The following TAF1A variants were observed in gnomAD, a reference collection of about 807,000 sequenced individuals.
The protein encoded by TAF1A is TATA box-binding protein-associated factor RNA polymerase I subunit A.
Under a neutral mutation model 61.6 loss-of-function variants are expected in TAF1A, and 42 were observed. The ratio of observed to expected loss-of-function variants is 0.68; its 90% CI spans 0.53 to 0.88. The LOEUF (loss-of-function observed/expected upper bound fraction) is 0.88, where lower values mean the gene tolerates loss of function less well. Ranked by LOEUF, TAF1A falls within the 40% of genes least tolerant of loss-of-function variation. TAF1A has a pLI of 0.00. For synonymous variants in TAF1A, 179 were observed against 177.7 expected, an observed-to-expected ratio of 1.01 and a Z score of -0.06; for missense variants, 424 against 518.7, an observed-to-expected ratio of 0.82 and a Z score of 1.77.
chr1:222,563,222 TA>T lies in TAF1A; in HGVS notation c.1035del (p.Asn345LysfsTer2). The T allele has an allele frequency of 6.2e-7, 1 of 1,613,070 alleles. No individual in the cohort carries two copies. The highest frequency in any genetic ancestry group is 8.5e-7 in the Non-Finnish European group (1 of 1,179,322). The stretch of plus-strand genomic sequence containing the variant: ...TTTGCCAAGTATTTCCAAGCAGTTA[TA>T]TTCTTAGTGCATCCGGCAAAATCTA... ...GVLDFAGCTK[N>X]ITAWKYLAKY... On this transcript the variant is annotated frameshift_variant, in exon 9 of 11. Transcript: ENST00000352967. LOFTEE classifies it high-confidence loss of function.
intron 7 of TAF1A, among the ~76,000 whole-genome samples, chr1:222,567,185 T>C (rs1255718349): frequency 6.6e-6 from 1 of 152,138 alleles, no homozygotes; most frequent in Non-Finnish European, 1.5e-5. Flanking sequence ...CTAAGTGAAA[T>C]TAGCAAGACA....
chr1:222,577,116 G>A (rs1660602880), intron 5 of TAF1A, among the ~76,000 whole-genome samples: 2 of 150,358 alleles, frequency 1.3e-5, no homozygotes, highest in Admixed American at 6.6e-5. Context: ...ATAGAAATTG[G>A]AATGGAGTTT....
chr1:222,558,958 C>G (rs1659807377), intron 10 of TAF1A, among the ~76,000 whole-genome samples, 186 bp from the exon 11 acceptor site: 1 of 152,076 alleles, frequency 6.6e-6, no homozygotes, highest in Non-Finnish European at 1.5e-5. Context: ...TTCCTATATA[C>G]AAAATTTATT....
In TAF1A at chr1:222,563,797, A is replaced by C. The variant is rs1386874403; in HGVS notation, c.961+262T>G. Among the ~76,000 whole-genome samples the C allele has an allele frequency of 1.3e-5, 2 of 152,238 alleles. 1 individual carries two copies. The highest frequency in any genetic ancestry group is 4.8e-5 in the African/African-American group (2 of 41,464). On this transcript the variant is annotated intron_variant, in intron 8 of 10. Coordinates refer to ENST00000352967, the MANE Select transcript of TAF1A (RefSeq NM_005681.4). ...AACTACTGCCTTCACATTGTGTAAC[A>C]GGAGTAGGCAAACTTTTTCTATAAA...
intron 2 of TAF1A, 102 bp from the exon 3 acceptor site, chr1:222,584,399 C>T: frequency 1.9e-6 from 2 of 1,077,698 alleles, no homozygotes. Flanking sequence ...AAACAGTAGG[C>T]ATTACTTGAC....
intron 7 of TAF1A, 27 bp from the exon 8 acceptor site, chr1:222,564,152 T>C (rs1660025464): frequency 2.2e-6 from 3 of 1,394,438 alleles, no homozygotes; most frequent in Non-Finnish European, 3.0e-6. Flanking sequence ...TCTTGTAATC[T>C]TTACATACTT....
At chr1:222,578,674 C>T (rs888088578) in intron 4 of TAF1A, among the ~76,000 whole-genome samples, 1 of 152,186 alleles carries the variant, frequency 6.6e-6, no homozygotes, top group Non-Finnish European at 1.5e-5. Flanking sequence ...TAAATCCCAA[C>T]CCTCTCTAGT....
intron 3 of TAF1A, among the ~76,000 whole-genome samples, chr1:222,583,426 G>GAA (rs71175170): frequency 4.6e-4 from 68 of 148,780 alleles, no homozygotes; most frequent in Non-Finnish European, 6.6e-4. Context: ...TTGATAAAAC[G>GAA]AAAAAAAAAA....
At chr1:222,588,712 A>G in intron 1 of TAF1A, 147 bp from the exon 2 acceptor site, 1 of 845,652 alleles carries the variant, frequency 1.2e-6, no homozygotes, top group Non-Finnish European at 1.7e-6. Flanking sequence ...TAAAGTAAAA[A>G]ATGAATTTAA....
At chr1:222,577,038 T>C (rs1660598299) in intron 5 of TAF1A, among the ~76,000 whole-genome samples, 1 of 152,194 alleles carries the variant, frequency 6.6e-6, no homozygotes. Flanking sequence ...CAGAAGAATT[T>C]ACTGGTGGTT....
intron 8 of TAF1A, 65 bp from the exon 9 acceptor site, chr1:222,563,361 T>A: frequency 6.6e-7 from 1 of 1,525,228 alleles, no homozygotes. Context: ...AAAATTTACA[T>A]GTATACATTT....
rs1204492987 is a variant in TAF1A, at chr1:222,587,950, G to A, written c.121+493C>T. On this transcript the variant is annotated intron_variant, in intron 2 of 10. Coordinates refer to ENST00000352967, the MANE Select transcript of TAF1A (RefSeq NM_005681.4). The stretch of plus-strand genomic sequence containing the variant: ...ACCTGTAATCTCAGTTACTCGGGAG[G>A]CTGAGTAGAATCACTTGAACCTGGG... Among the ~76,000 whole-genome samples, 3 of 151,862 alleles carry A rather than the reference G, an allele frequency of 2.0e-5. No individual in the cohort carries two copies. In the East Asian group the frequency reaches 5.8e-4, roughly 29 times the overall value.
At chr1:222,578,988 A>G (rs971897822) in intron 4 of TAF1A, among the ~76,000 whole-genome samples, 10 of 151,992 alleles carry the variant, frequency 6.6e-5, no homozygotes, top group Non-Finnish European at 1.5e-4. Flanking sequence ...TACTCTTCAC[A>G]CTCCCTCCCT....
At chr1:222,566,007 C>T (rs938804225) in intron 7 of TAF1A, among the ~76,000 whole-genome samples, 2 of 152,150 alleles carry the variant, frequency 1.3e-5, no homozygotes, top group African/African-American at 4.8e-5. Context: ...TAAAAGAAAA[C>T]AGAGATAAGA....
In TAF1A at chr1:222,588,369, A is replaced by G. The variant is rs994935896; in HGVS notation, c.121+74T>C. On this transcript the variant is annotated intron_variant, in intron 2 of 10. Coordinates refer to ENST00000352967, the MANE Select transcript of TAF1A (RefSeq NM_005681.4). The stretch of plus-strand genomic sequence containing the variant: ...TCTTGAAAATTAAACCAGTCTGGTT[A>G]TTCATTTTGTATCCCTATTGAATCT... 3.1e-5 allele frequency: 48 copies of G among 1,526,762 alleles called. No individual in the cohort carries two copies. In the African/African-American group the frequency reaches 6.2e-4, roughly 20 times the overall value. 94.6% of individuals were successfully genotyped at this position (1,526,762 alleles called of 1,614,324 possible). A position where few individuals can be genotyped will look rare whatever the true frequency, so the allele number is the denominator to read the frequency against.
intron 9 of TAF1A, 34 bp from the exon 10 acceptor site, chr1:222,561,552 T>C (rs778893774): frequency 6.4e-7 from 1 of 1,560,948 alleles, no homozygotes; most frequent in South Asian, 1.2e-5. Flanking sequence ...AGAGGGTCAA[T>C]GATGGAAACA....
chr1:222,575,829 C>T (rs3008643), intron 5 of TAF1A, among the ~76,000 whole-genome samples: 151,718 of 152,358 alleles, frequency 1, 75,542 homozygotes, highest in Middle Eastern at 1. Flanking sequence ...AGGTACTGAA[C>T]CATCTATCCA....
intron 5 of TAF1A, among the ~76,000 whole-genome samples, chr1:222,572,142 C>G (rs1310088594): frequency 2.0e-5 from 3 of 151,188 alleles, no homozygotes; most frequent in Non-Finnish European, 4.4e-5. Context: ...TCGCTTGAAC[C>G]TGGAAGACAC....
At chr1:222,565,244 G>A (rs1269018952) in intron 7 of TAF1A, among the ~76,000 whole-genome samples, 1 of 152,210 alleles carries the variant, frequency 6.6e-6, no homozygotes, top group Non-Finnish European at 1.5e-5. Flanking sequence ...TGACAGGTAT[G>A]TCAGATCTTT....
Sources: gnomAD v4.1 joint callset for allele counts (sites outside exome capture counted in the v4.1 genomes callset) on GRCh38, gnomAD v4.1.1 for gene constraint, MANE v1.5 for transcripts, NCBI Gene and HGNC (gene_info 2026-07-23, HGNC 2026-07-21) for gene names.